Variants in CLIP2 observed in about 807,000 individuals in gnomAD.
CLIP2 encodes the protein CAP-Gly domain-containing linker protein 2.
Under a neutral mutation model 111.7 loss-of-function variants are expected in CLIP2, and 41 were observed. That is an observed-to-expected ratio of 0.37 (90% CI 0.29 to 0.48). The LOEUF (loss-of-function observed/expected upper bound fraction) is 0.48. Among genes scored for constraint, CLIP2 ranks in the 20% least tolerant of loss-of-function variants. The pLI, the probability that CLIP2 is intolerant of heterozygous loss-of-function variation, is 0.99. For synonymous variants in CLIP2, 660 were observed against 644.2 expected (o/e 1.02, Z -0.37); for missense variants, 1,160 against 1,422.1 (o/e 0.82, Z 2.96).
intron 2 of CLIP2, among the ~76,000 whole-genome samples, chr7:74,336,666 G>A (rs1789469299): frequency 6.6e-6 from 1 of 152,152 alleles, no homozygotes; most frequent in Non-Finnish European, 1.5e-5. Flanking sequence ...AGATTTGGGT[G>A]GGGACACAGC....
chr7:74,335,563 C>T (rs1422397263), intron 2 of CLIP2, among the ~76,000 whole-genome samples: 1 of 151,668 alleles, frequency 6.6e-6, no homozygotes, highest in Non-Finnish European at 1.5e-5. Flanking sequence ...TGTTCTTGAA[C>T]TCCTGGGCTC....
In CLIP2 at chr7:74,376,012, A is replaced by C. The variant is rs782147407; in HGVS notation, c.1611A>C (p.Pro537=). Residue 537 remains proline, a synonymous_variant, in exon 10 of 17, where the codon CCA becomes CCC. Transcript: ENST00000223398. The surrounding 1 kb of genome is among the most constrained non-coding windows in gnomAD (Gnocchi z 7.1). ...LHSGPPPPDH[P]DAAEILRLRE... ...CGGGTCCCCCACCTCCGGACCACCC[A>C]GACGCCGCCGAGATCCTGCGGCTAC... is the stretch of plus-strand genomic sequence containing the variant. The C allele has an allele frequency of 3.3e-5, 53 of 1,612,570 alleles. No individual in the cohort carries two copies. The highest frequency in any genetic ancestry group is 4.4e-5 in the Non-Finnish European group (52 of 1,179,852).
intron 8 of CLIP2, among the ~76,000 whole-genome samples, chr7:74,371,434 G>T (rs1790617349): frequency 6.6e-6 from 1 of 151,452 alleles, no homozygotes; most frequent in Non-Finnish European, 1.5e-5. Context: ...GGGGATAGGG[G>T]TGGCTGGGAT....
intron 13 of CLIP2, among the ~76,000 whole-genome samples, chr7:74,392,185 A>G (rs1791308381): frequency 1.3e-5 from 2 of 151,848 alleles, no homozygotes; most frequent in South Asian, 4.2e-4. Flanking sequence ...CCCTGTCTCT[A>G]CTAAAAATAC....
intron 8 of CLIP2, among the ~76,000 whole-genome samples, chr7:74,368,387 G>A (rs1790515996): frequency 6.6e-6 from 1 of 151,818 alleles, no homozygotes; most frequent in Non-Finnish European, 1.5e-5. Flanking sequence ...CCTGGTGGTG[G>A]GCGCCTGTAA....
chr7:74,352,641 C>T (rs526196), intron 3 of CLIP2, among the ~76,000 whole-genome samples: 92,375 of 149,162 alleles, frequency 0.62, 29,899 homozygotes, highest in Middle Eastern at 0.74. Flanking sequence ...GGCGTGGTGG[C>T]GCGCACCTGT....
intron 2 of CLIP2, among the ~76,000 whole-genome samples, chr7:74,323,633 G>C (rs539399709): frequency 1.3e-5 from 2 of 152,104 alleles, no homozygotes; most frequent in African/African-American, 4.8e-5. Flanking sequence ...CACCATGTTG[G>C]CCAGGCTGGT....
At chr7:74,314,795 T>C (rs1315156018) in intron 1 of CLIP2, among the ~76,000 whole-genome samples, 1 of 152,166 alleles carries the variant, frequency 6.6e-6, no homozygotes, top group Non-Finnish European at 1.5e-5. Context: ...TTTGTGAGTA[T>C]AGGATAGTGG....
intron 1 of CLIP2, among the ~76,000 whole-genome samples, chr7:74,299,548 T>C (rs7803413): frequency 0.016 from 2,369 of 152,154 alleles, 64 homozygotes; most frequent in African/African-American, 0.054. Context: ...TGGACCCTGG[T>C]TTGCACCCTG....
At chr7:74,386,824 A>T (rs1000763013) in intron 12 of CLIP2, among the ~76,000 whole-genome samples, 6 of 151,992 alleles carry the variant, frequency 3.9e-5, no homozygotes, top group African/African-American at 7.2e-5. Flanking sequence ...GGAGTTCGAG[A>T]CCAGCCTGGC....
intron 8 of CLIP2, 148 bp from the exon 9 acceptor site, chr7:74,372,780 CATGA>C (rs1418470615): frequency 1.6e-6 from 1 of 624,480 alleles, no homozygotes. Flanking sequence ...AATTCTGGCT[CATGA>C]ATCTACTCTC....
At position 74,338,539 on chromosome 7, in the gene CLIP2, G is replaced by C. The variant is rs138612948; in HGVS notation, c.213G>C (p.Val71=). ...AGCCGGGCCCCAAGGCGGCGGAAGT[G>C]GGGGATGACTTCCTGGGGGACTTTG... ...PEKPGPKAAE[V]GDDFLGDFVV... Residue 71 remains valine, a synonymous_variant, in exon 3 of 17, where the codon GTG becomes GTC. Transcript: ENST00000223398. The surrounding 1 kb of genome is among the most constrained non-coding windows in gnomAD (Gnocchi z 4.3). 1.6e-5 allele frequency: 26 copies of C among 1,601,374 alleles called. No homozygotes were observed. Among genetic ancestry groups the C allele is most frequent in the South Asian group, 7.8e-5 (7 of 89,642 alleles).
At chr7:74,381,549 T>C (rs781887068) in intron 11 of CLIP2, 9 of 453,008 alleles carry the variant, frequency 2.0e-5, no homozygotes, top group Non-Finnish European at 3.1e-5. Context: ...GCAAACTAAC[T>C]CTTCACTGTT....
chr7:74,307,267 T>C (rs1788518779), intron 1 of CLIP2, among the ~76,000 whole-genome samples: 2 of 152,176 alleles, frequency 1.3e-5, no homozygotes, highest in African/African-American at 4.8e-5. Context: ...GCCAGGGGGC[T>C]CACAAATGTT....
chr7:74,301,909 C>T (rs1788348646), intron 1 of CLIP2, among the ~76,000 whole-genome samples: 2 of 151,958 alleles, frequency 1.3e-5, no homozygotes, highest in African/African-American at 2.4e-5. Flanking sequence ...GATGGGGTTA[C>T]ACCATGTTGG....
At chr7:74,290,556 C>G (rs1326888366) in intron 1 of CLIP2, among the ~76,000 whole-genome samples, 1 of 152,240 alleles carries the variant, frequency 6.6e-6, no homozygotes, top group East Asian at 1.9e-4. Context: ...GAGGGAGCAC[C>G]TTGGGGGGAA....
chr7:74,322,733 T>C (rs1347378618), intron 2 of CLIP2, among the ~76,000 whole-genome samples: 2 of 152,064 alleles, frequency 1.3e-5, no homozygotes, highest in Non-Finnish European at 2.9e-5. Context: ...TTTTTTGCTG[T>C]TGTTGTTTGT....
rs1239653116 is a variant in CLIP2 at position 74,401,708 on chromosome 7, G to C, written c.3129+141G>C. ...AGTAGGGTCCCTCAGGGAGGGTGCT[G>C]TTGCAGGCAAACTTGATTCCAGATT... On this transcript the variant is annotated intron_variant, in intron 16 of 16. Coordinates refer to ENST00000223398, the MANE Select transcript of CLIP2 (RefSeq NM_003388.5). 28 of 826,210 alleles carry C rather than the reference G, an allele frequency of 3.4e-5. No individual in the cohort carries two copies. In the African/African-American group the frequency reaches 4.2e-4, roughly 12 times the overall value. 51.2% of individuals were successfully genotyped at this position (826,210 alleles called of 1,614,324 possible).
At chr7:74,362,782 G>T (rs919600434) in intron 7 of CLIP2, among the ~76,000 whole-genome samples, 4 of 151,976 alleles carry the variant, frequency 2.6e-5, no homozygotes, top group Non-Finnish European at 5.9e-5. Context: ...TGATCCACCC[G>T]CCTCGGCCTC....
Sources: gnomAD v4.1 joint callset for allele counts (sites outside exome capture counted in the v4.1 genomes callset) on GRCh38, gnomAD v4.1.1 for gene constraint, Gnocchi (gnomAD v3.1) non-coding constraint, MANE v1.5 for transcripts, NCBI Gene and HGNC (gene_info 2026-07-23, HGNC 2026-07-21) for gene names.